The following RBM19 variants were observed in gnomAD, a reference collection of about 807,000 sequenced individuals.
RBM19 encodes probable RNA-binding protein 19.
In RBM19, 94 loss-of-function variants were observed where a neutral mutation model predicts 116.8. The observed-to-expected ratio is 0.80, with a 90% CI of 0.68 to 0.95. The LOEUF is 0.95. Ranked by LOEUF, RBM19 falls within the 40% of genes least tolerant of loss-of-function variation. The pLI is 0.00. For missense variants in RBM19, 1,161 were observed against 1,220.7 expected (o/e 0.95, Z 0.73); for synonymous variants, 475 against 494.1 (o/e 0.96, Z 0.51).
At position 113,825,958 on chromosome 12, in the gene RBM19, C is replaced by T. The variant is rs538453612; in HGVS notation, c.2786-2637G>A. Reference sequence around the variant, plus strand: ...ACCTGGGGAAAAGCTAAAGCTGTCACGTCGGCTGCCAGGGCTACTGAGCAG... The same window carrying T: ...ACCTGGGGAAAAGCTAAAGCTGTCATGTCGGCTGCCAGGGCTACTGAGCAG... On this transcript the variant is annotated intron_variant, in intron 23 of 23. Transcript: ENST00000261741. The surrounding 1 kb of genome is among the most constrained non-coding windows in gnomAD (Gnocchi z 5.7). Among the ~76,000 whole-genome samples the T allele has an allele frequency of 3.3e-4, 50 of 152,330 alleles. No individual in the cohort carries two copies. Among genetic ancestry groups the T allele is most frequent in the African/African-American group, 1.0e-3 (43 of 41,584 alleles).
Position 113,959,302 on chromosome 12 carries a change from C to T in RBM19, c.481G>A (p.Gly161Arg). ...NDGLDAEPSK[G>R]KSKPASDYLN... The stretch of plus-strand genomic sequence containing the variant: ...TAGTCACTGGCCGGCTTGCTCTTCC[C>T]TTTCGAGGGCTCAGCATCCAGGCCA... Residue 161 changes from glycine (G) to arginine (R), a missense_variant, in exon 5 of 24, where the codon GGG (glycine) becomes AGG (arginine). By Grantham distance (125) the Gly-to-Arg change is moderately radical. Coordinates refer to ENST00000261741, the MANE Select transcript of RBM19 (RefSeq NM_016196.4). The T allele has an allele frequency of 6.2e-7, 1 of 1,614,102 alleles. No homozygotes were observed.
chr12:113,955,872 T>C (rs1871896555), intron 6 of RBM19, among the ~76,000 whole-genome samples: 1 of 152,182 alleles, frequency 6.6e-6, no homozygotes, highest in Non-Finnish European at 1.5e-5. Context: ...ATCCTGTATT[T>C]AGTAACAAGG....
chr12:113,920,011 C>T (rs1328337628), intron 19 of RBM19, among the ~76,000 whole-genome samples: 7 of 152,144 alleles, frequency 4.6e-5, no homozygotes, highest in Non-Finnish European at 8.8e-5. Context: ...CACCCTGAAC[C>T]GCCACCCCAC....
chr12:113,904,004 T>C (rs1881880118), intron 21 of RBM19, among the ~76,000 whole-genome samples: 1 of 152,098 alleles, frequency 6.6e-6, no homozygotes, highest in South Asian at 2.1e-4. Context: ...ACTCAAGATC[T>C]TTTTTTTGAA....
chr12:113,837,406 C>T (rs1043029378), intron 23 of RBM19, among the ~76,000 whole-genome samples: 8 of 152,210 alleles, frequency 5.3e-5, no homozygotes, highest in African/African-American at 1.9e-4. Context: ...TTTGGCAACT[C>T]AGAAAAGGAA....
At chr12:113,837,495 G>GC (rs1221661746) in intron 23 of RBM19, among the ~76,000 whole-genome samples, 1 of 152,198 alleles carries the variant, frequency 6.6e-6, no homozygotes, top group African/African-American at 2.4e-5. Flanking sequence ...GGAGCTGTGC[G>GC]CCATCTCCTT....
chr12:113,818,637 T>C (rs528795083), downstream of RBM19, among the ~76,000 whole-genome samples: 8 of 152,276 alleles, frequency 5.3e-5, no homozygotes, highest in Non-Finnish European at 1.2e-4. Flanking sequence ...TTTCCATTCA[T>C]GACCTTCTGT....
chr12:113,822,270 T>C lies in RBM19; in HGVS notation c.*954A>G, dbSNP rs1289985491. ...TGCAGTTCTTGCTCTGCCCTCTCCG[T>C]CTTGCCCTCTGCCTGGTGCTGGCAC... On this transcript the variant is annotated 3_prime_UTR_variant, in exon 24 of 24. Transcript: ENST00000261741. 1.3e-5 allele frequency: 2 copies of C among 152,268 alleles called. No homozygotes were observed. The highest frequency in any genetic ancestry group is 2.9e-5 in the Non-Finnish European group (2 of 68,062). 9.4% of individuals were successfully genotyped at this position (152,268 alleles called of 1,614,324 possible).
chr12:113,940,912 G>A (rs1044411159), intron 14 of RBM19, among the ~76,000 whole-genome samples: 3 of 152,174 alleles, frequency 2.0e-5, no homozygotes, highest in African/African-American at 4.8e-5. Flanking sequence ...TCACAGGATC[G>A]CTCCAGGAAA....
intron 23 of RBM19, among the ~76,000 whole-genome samples, chr12:113,840,572 C>T (rs556253742): frequency 5.3e-5 from 8 of 152,254 alleles, no homozygotes; most frequent in Non-Finnish European, 8.8e-5. Context: ...CCCTACTGAA[C>T]GTGTCACAGG....
intron 2 of RBM19, among the ~76,000 whole-genome samples, chr12:113,961,908 T>C (rs1872530091): frequency 6.6e-6 from 1 of 152,040 alleles, no homozygotes; most frequent in African/African-American, 2.4e-5. Context: ...AATGCATGAG[T>C]GAATGGATGA....
At chr12:113,847,558 G>C (rs1877101517) in intron 22 of RBM19, among the ~76,000 whole-genome samples, 1 of 152,076 alleles carries the variant, frequency 6.6e-6, no homozygotes, top group South Asian at 2.1e-4. Flanking sequence ...GGGGAGTCTG[G>C]TGTGGCGGAT....
Position 113,918,465 on chromosome 12 carries a change from A to G in RBM19, c.2386-18T>C. 1.1e-5 allele frequency: 17 copies of G among 1,613,258 alleles called. No individual in the cohort carries two copies. Among genetic ancestry groups the G allele is most frequent in the Non-Finnish European group, 1.3e-5 (15 of 1,179,228 alleles). On this transcript the variant is annotated intron_variant, in intron 19 of 23. Transcript: ENST00000261741. Reference sequence around the variant, plus strand: ...ACGTGACCCTAAGAGAGAAGACAACATGGCTCATCTCTCTGTCCCGAGAAA... The same window carrying G: ...ACGTGACCCTAAGAGAGAAGACAACGTGGCTCATCTCTCTGTCCCGAGAAA...
At chr12:113,828,354 C>A (rs1407056929) in intron 23 of RBM19, among the ~76,000 whole-genome samples, 7 of 152,174 alleles carry the variant, frequency 4.6e-5, no homozygotes, top group Non-Finnish European at 1.0e-4. Flanking sequence ...TGTGCACTAG[C>A]TGCCCCTGGA....
At chr12:113,949,237 C>G (rs1244132715) in intron 9 of RBM19, among the ~76,000 whole-genome samples, 2 of 152,212 alleles carry the variant, frequency 1.3e-5, no homozygotes, top group South Asian at 4.1e-4. Context: ...ATCTCACTCA[C>G]CCTGCCAGTT....
intron 21 of RBM19, among the ~76,000 whole-genome samples, chr12:113,882,081 G>T (rs1465595518): frequency 6.6e-6 from 1 of 152,236 alleles, no homozygotes; most frequent in African/African-American, 2.4e-5. Context: ...CCTGTTCTCT[G>T]GGAGTTCTGT....
intron 22 of RBM19, among the ~76,000 whole-genome samples, chr12:113,852,256 G>A (rs1270080293): frequency 2.6e-5 from 4 of 152,054 alleles, no homozygotes; most frequent in African/African-American, 9.7e-5. Flanking sequence ...ATTAGCAGGG[G>A]GGTCCGTCCT....
chr12:113,820,920 T>C (rs146076588), downstream of RBM19, among the ~76,000 whole-genome samples: 105 of 152,296 alleles, frequency 6.9e-4, no homozygotes, highest in African/African-American at 2.3e-3. Flanking sequence ...CAGCTTTCTT[T>C]TGGCCACAGG....
intron 21 of RBM19, among the ~76,000 whole-genome samples, chr12:113,879,243 T>C (rs1386542969): frequency 6.6e-6 from 1 of 152,094 alleles, no homozygotes; most frequent in Non-Finnish European, 1.5e-5. Context: ...ATTTCTTGCA[T>C]GTTATGTTCA....
Sources: allele counts gnomAD v4.1 joint callset (sites outside exome capture counted in the v4.1 genomes callset), GRCh38; gene constraint gnomAD v4.1.1; non-coding constraint Gnocchi (gnomAD v3.1); transcripts MANE v1.5; gene names NCBI Gene and HGNC (gene_info 2026-07-23, HGNC 2026-07-21).